RBFOX1: variants seen among roughly 807,000 people sequenced by gnomAD.
RBFOX1 encodes RNA binding protein fox-1 homolog 1.
Under a neutral mutation model 57.7 loss-of-function variants are expected in RBFOX1, and 8 were observed. The ratio of observed to expected loss-of-function variants is 0.14; its 90% CI spans 0.08 to 0.25. RBFOX1 has a LOEUF of 0.25. RBFOX1 is among the 10% of genes least tolerant of loss of function. The probability of loss-of-function intolerance (pLI) is 1.00; values close to 1 mark genes in which losing one functional copy is unlikely to be tolerated. For missense variants in RBFOX1, 611 were observed against 548.5 expected (o/e 1.11, Z -1.14); for synonymous variants, 326 against 222.4 (o/e 1.47, Z -4.15).
intron 1 of RBFOX1, among the ~76,000 whole-genome samples, chr16:5,399,600 G>A (rs1429182992): frequency 1.3e-5 from 2 of 152,036 alleles, no homozygotes; most frequent in Non-Finnish European, 2.9e-5. Context: ...GGATGTGGTG[G>A]TGCCCATCTG....
chr16:7,556,508 C>A (rs1352575025), intron 5 of RBFOX1, among the ~76,000 whole-genome samples: 2 of 152,194 alleles, frequency 1.3e-5, no homozygotes, highest in African/African-American at 4.8e-5. Context: ...TTTGTATAAG[C>A]AACTCAGTAT....
intron 3 of RBFOX1, among the ~76,000 whole-genome samples, chr16:6,670,884 C>T (rs561317702): frequency 5.3e-5 from 8 of 152,174 alleles, no homozygotes; most frequent in Admixed American, 1.3e-4. Context: ...CCTGTAGTCC[C>T]AGCTACTTGG....
rs4567718 is a variant in RBFOX1 at position 5,720,646 on chromosome 16, G to C, written c.318+121685G>C. Among the ~76,000 whole-genome samples the C allele has an allele frequency of 2.8e-3, 421 of 152,068 alleles. 3 individuals carry two copies. Among genetic ancestry groups the C allele is most frequent in the African/African-American group, 8.2e-3 (340 of 41,472 alleles). On this transcript the variant is annotated intron_variant, in intron 3 of 19. Coordinates refer to the RBFOX1 transcript ENST00000641259. ...AGGAGATCCAACTTCATTCTCTTGT[G>C]TGCAGTTATCCAGTTCTGACATCAT...
chr16:5,875,586 TG>T (rs2057587029), intron 4 of RBFOX1, among the ~76,000 whole-genome samples: 2 of 152,204 alleles, frequency 1.3e-5, no homozygotes, highest in Admixed American at 6.5e-5. Context: ...GTCGTTGTAG[TG>T]GTTACTTTTA....
intron 2 of RBFOX1, among the ~76,000 whole-genome samples, chr16:6,423,839 C>T (rs370461955): frequency 3.3e-5 from 5 of 151,970 alleles, no homozygotes; most frequent in Non-Finnish European, 7.4e-5. Context: ...AAATGAGGAG[C>T]CCAGATAAGA....
intron 2 of RBFOX1, among the ~76,000 whole-genome samples, chr16:5,480,088 C>T (rs1025433277): frequency 6.6e-6 from 1 of 152,182 alleles, no homozygotes; most frequent in Non-Finnish European, 1.5e-5. Flanking sequence ...CAGGGTGGCT[C>T]ACATGCTTAA....
intron 4 of RBFOX1, among the ~76,000 whole-genome samples, chr16:7,171,956 CTG>C (rs1466445352): frequency 6.6e-6 from 1 of 152,168 alleles, no homozygotes; most frequent in African/African-American, 2.4e-5. Context: ...GGCACGGGGT[CTG>C]TGCCTGCCCT....
At chr16:6,876,984 T>G (rs12930717) in intron 3 of RBFOX1, among the ~76,000 whole-genome samples, 38,514 of 152,098 alleles carry the variant, frequency 0.25, 5,133 homozygotes, top group African/African-American at 0.32. Flanking sequence ...TGAATATAGT[T>G]TTCCAGTGGA....
At chr16:5,796,637 G>A (rs553549656) in intron 3 of RBFOX1, among the ~76,000 whole-genome samples, 54 of 152,282 alleles carry the variant, frequency 3.5e-4, no homozygotes, top group South Asian at 1.5e-3. Flanking sequence ...TCCACTTACG[G>A]TGCTGACTGT....
At chr16:6,147,644 A>T (rs1259287481) in intron 1 of RBFOX1, among the ~76,000 whole-genome samples, 1 of 152,196 alleles carries the variant, frequency 6.6e-6, no homozygotes, top group Non-Finnish European at 1.5e-5. Flanking sequence ...AGGTTGGGGA[A>T]AAAAAGAAAA....
intron 3 of RBFOX1, among the ~76,000 whole-genome samples, chr16:5,642,829 A>T (rs1023683408): frequency 6.6e-6 from 1 of 152,090 alleles, no homozygotes; most frequent in Admixed American, 6.5e-5. Flanking sequence ...CAGACATAAT[A>T]CTAGAGGCAA....
intron 1 of RBFOX1, among the ~76,000 whole-genome samples, chr16:5,276,096 T>A (rs2063134096): frequency 6.6e-6 from 1 of 152,126 alleles, no homozygotes; most frequent in African/African-American, 2.4e-5. Flanking sequence ...AAGATAACAT[T>A]GGAAAACGTT....
At chr16:6,431,322 T>C (rs1597144067) in intron 2 of RBFOX1, among the ~76,000 whole-genome samples, 2 of 151,736 alleles carry the variant, frequency 1.3e-5, no homozygotes, top group African/African-American at 4.8e-5. Context: ...GCTTCTAGCA[T>C]AGGTGAGGCA....
intron 4 of RBFOX1, among the ~76,000 whole-genome samples, chr16:5,960,926 C>T (rs1298391851): frequency 2.0e-5 from 3 of 152,212 alleles, no homozygotes; most frequent in East Asian, 3.9e-4. Context: ...AAGGTGGAAC[C>T]GCAATTGTGG....
intron 3 of RBFOX1, chr16:5,632,509 A>C (rs1283234428): frequency 6.6e-6 from 1 of 152,234 alleles, no homozygotes; most frequent in East Asian, 1.9e-4. Flanking sequence ...TGTATTTTTC[A>C]GCAAGGCAAG....
intron 15 of RBFOX1, chr16:7,709,345 T>C (rs1293929807): frequency 4.9e-5 from 49 of 991,172 alleles, no homozygotes; most frequent in Non-Finnish European, 6.9e-5. Flanking sequence ...ATTATATTTC[T>C]AATTTTGCAA....
rs182123267 is a variant in RBFOX1, at chr16:5,987,303, G to T, written c.351+119968G>T. Reference sequence around the variant, plus strand: ...ATTCATTCGTTATTGTGGGGTATGTGGTTTACAAATATTTTCCCCCAGCTG... The same window carrying T: ...ATTCATTCGTTATTGTGGGGTATGTTGTTTACAAATATTTTCCCCCAGCTG... On this transcript the variant is annotated intron_variant, in intron 4 of 19. Coordinates refer to the RBFOX1 transcript ENST00000641259. Among the ~76,000 whole-genome samples, 14 of 152,108 alleles carry T rather than the reference G, an allele frequency of 9.2e-5. No individual in the cohort carries two copies. In the East Asian group the frequency reaches 2.7e-3, roughly 29 times the overall value.
At chr16:6,282,541 C>T (rs1035594340) in intron 1 of RBFOX1, among the ~76,000 whole-genome samples, 5 of 151,870 alleles carry the variant, frequency 3.3e-5, no homozygotes, top group African/African-American at 9.7e-5. Context: ...GCCCATTGCC[C>T]ACCACCCCCG....
chr16:6,859,700 C>A (rs555894546), intron 3 of RBFOX1, among the ~76,000 whole-genome samples: 1 of 152,064 alleles, frequency 6.6e-6, no homozygotes, highest in African/African-American at 2.4e-5. Context: ...TAATCGACTA[C>A]GGTATCAGCA....
Sources: allele counts gnomAD v4.1 joint callset (sites outside exome capture counted in the v4.1 genomes callset), GRCh38; gene constraint gnomAD v4.1.1; transcripts MANE v1.5; gene names NCBI Gene and HGNC (gene_info 2026-07-23, HGNC 2026-07-21).